The following MED13L variants were observed in gnomAD, a reference collection of about 807,000 sequenced individuals.
MED13L encodes the protein mediator complex subunit 13L.
In MED13L, 7 loss-of-function variants were observed where a neutral mutation model predicts 220.9. The ratio of observed to expected loss-of-function variants is 0.03; its 90% confidence interval spans 0.02 to 0.06. The LOEUF (loss-of-function observed/expected upper bound fraction) is 0.06. Among genes scored for constraint, MED13L ranks in the 10% least tolerant of loss-of-function variants. The pLI is 1.00. For missense variants in MED13L, 1,965 were observed against 2,760.5 expected (o/e 0.71, Z 6.46); for synonymous variants, 1,011 against 1,015.2 (o/e 1.00, Z 0.08).
chr12:116,030,850 C>A (rs1880696695), intron 4 of MED13L, among the ~76,000 whole-genome samples: 1 of 151,970 alleles, frequency 6.6e-6, no homozygotes, highest in Admixed American at 6.5e-5. Context: ...AAAACAGTAA[C>A]TAAAAAAACC....
At position 116,192,136 on chromosome 12, in the gene MED13L, G is replaced by A. The variant is rs991763338; in HGVS notation, c.310+45332C>T. 3.2e-4 allele frequency among the ~76,000 whole-genome samples: 48 copies of A among 152,134 alleles called. 1 individual carries two copies. The highest frequency in any genetic ancestry group is 4.1e-4 in the Non-Finnish European group (28 of 68,026). ...CAATAAAATAAACTTTCAGGGCAAC[G>A]GAAGGGTGGTGGCTTTTGCCTTTGT... On this transcript the variant is annotated intron_variant, in intron 2 of 30. Coordinates refer to ENST00000281928, the MANE Select transcript of MED13L (RefSeq NM_015335.5).
chr12:116,217,015 C>T (rs1403348007), intron 2 of MED13L, among the ~76,000 whole-genome samples: 1 of 152,198 alleles, frequency 6.6e-6, no homozygotes. Context: ...TTTTTATGTT[C>T]TGCTGAATAC....
chr12:116,235,880 G>C (rs1291977812), intron 2 of MED13L, among the ~76,000 whole-genome samples: 2 of 151,982 alleles, frequency 1.3e-5, no homozygotes, highest in Non-Finnish European at 2.9e-5. Context: ...CACTAACAAA[G>C]AGCAGACCAA....
rs1254898108 is a variant in MED13L, at chr12:116,277,500, A to AGCC, written c.-372_-370dup. On this transcript the variant is annotated 5_prime_UTR_variant, in exon 1 of 31. Coordinates refer to ENST00000281928, the MANE Select transcript of MED13L (RefSeq NM_015335.5). ...GCGCGCGAGGGGAGGCGAGCCCCGGAGCCGCCGCCGCCGCCTCGGAGCCGC... is the reference window on the plus strand; with the variant it reads ...GCGCGCGAGGGGAGGCGAGCCCCGGAGCCGCCGCCGCCGCCGCCTCGGAGCCGC... 5.5e-5 allele frequency among the ~76,000 whole-genome samples: 8 copies of AGCC among 144,830 alleles called. 1 individual carries two copies. The highest frequency in any genetic ancestry group is 4.4e-4 in the South Asian group (2 of 4,574).
At position 116,007,799 on chromosome 12, in the gene MED13L, A is replaced by G. The variant is rs1295666618; in HGVS notation, c.2013-163T>C. The G allele has an allele frequency of 4.1e-5, 27 of 663,240 alleles. No homozygotes were observed. In the Admixed American group the frequency reaches 4.7e-4, roughly 12 times the overall value. The allele number at this position is 663,240 out of a possible 1,614,324, so 41.1% of individuals were successfully genotyped here. On this transcript the variant is annotated intron_variant, in intron 10 of 30. Transcript: ENST00000281928. The stretch of plus-strand genomic sequence containing the variant: ...AAAATTAGCATACTTTGTCAAGAAT[A>G]TATGTTTTTGTCTCTGGGTCCATCA...
chr12:116,070,251 T>C (rs531276927), intron 4 of MED13L, among the ~76,000 whole-genome samples: 2 of 152,328 alleles, frequency 1.3e-5, no homozygotes, highest in South Asian at 2.1e-4. Context: ...TCCATGTTAA[T>C]AGCTATCTGA....
intron 4 of MED13L, among the ~76,000 whole-genome samples, chr12:116,029,755 T>A (rs74349961): frequency 6.6e-6 from 1 of 151,844 alleles, no homozygotes; most frequent in African/African-American, 2.4e-5. Context: ...CAGAAAAAAT[T>A]TGAATAAGAA....
intron 4 of MED13L, among the ~76,000 whole-genome samples, chr12:116,079,922 C>A (rs1871109506): frequency 6.6e-6 from 1 of 152,066 alleles, no homozygotes; most frequent in Admixed American, 6.6e-5. Context: ...ATAAGCTATA[C>A]CAAGCTTGTC....
intron 4 of MED13L, among the ~76,000 whole-genome samples, chr12:116,041,179 G>A (rs1881503657): frequency 6.6e-6 from 1 of 152,152 alleles, no homozygotes; most frequent in Non-Finnish European, 1.5e-5. Flanking sequence ...GAAGGTGACT[G>A]GACCTTGGGG....
At chr12:116,190,205 TTCTC>T (rs772815998) in intron 2 of MED13L, among the ~76,000 whole-genome samples, 6 of 152,160 alleles carry the variant, frequency 3.9e-5, no homozygotes, top group Non-Finnish European at 7.4e-5. Context: ...TAGATGCTCT[TTCTC>T]AAGTTTTACA....
At chr12:116,094,545 G>C (rs1872509494) in intron 4 of MED13L, among the ~76,000 whole-genome samples, 1 of 152,186 alleles carries the variant, frequency 6.6e-6, no homozygotes, top group South Asian at 2.1e-4. Flanking sequence ...GATAATGATA[G>C]TTATTTTTTA....
chr12:116,100,815 G>A (rs1593044143), intron 3 of MED13L, among the ~76,000 whole-genome samples: 1 of 152,170 alleles, frequency 6.6e-6, no homozygotes, highest in African/African-American at 2.4e-5. Context: ...TCAGGGAGCT[G>A]AAGTGGACAG....
intron 2 of MED13L, among the ~76,000 whole-genome samples, chr12:116,165,340 T>C (rs1023298325): frequency 6.7e-6 from 1 of 150,364 alleles, no homozygotes; most frequent in South Asian, 2.1e-4. Flanking sequence ...TTTTTGTTTG[T>C]TTATTTTTGA....
chr12:116,274,262 T>C (rs547330816), intron 1 of MED13L, among the ~76,000 whole-genome samples: 88 of 152,112 alleles, frequency 5.8e-4, no homozygotes, highest in Non-Finnish European at 9.7e-4. Flanking sequence ...GTCTGATTGA[T>C]TGCACAATCA....
chr12:116,118,145 A>G (rs1318808915), intron 2 of MED13L, among the ~76,000 whole-genome samples: 2 of 152,186 alleles, frequency 1.3e-5, no homozygotes, highest in African/African-American at 2.4e-5. Context: ...AATTATTTTG[A>G]AAAATAATTA....
chr12:116,276,877 G>A (rs538431217), intron 1 of MED13L, 183 bp downstream of exon 1: 83 of 971,460 alleles, frequency 8.5e-5, no homozygotes, highest in Non-Finnish European at 1.2e-4. Flanking sequence ...ATAAACACTG[G>A]ATGGGATCCA....
intron 1 of MED13L, among the ~76,000 whole-genome samples, chr12:116,265,901 T>C (rs1414072528): frequency 6.6e-6 from 1 of 152,200 alleles, no homozygotes; most frequent in Non-Finnish European, 1.5e-5. Context: ...CATCCATCCA[T>C]TCCTTCAACA....
rs898633108 is a variant in MED13L at position 115,983,339 on chromosome 12, G to C, written c.4733C>G (p.Ser1578Cys). ...CGGTGGCACAGAGGAACCAGATGCA[G>C]AACTACTTGCTGCAGGATTTGTAGA... ...SSSTNPAASS[S>C]ASGSSVPPVS... The change falls in exon 21 of 31, where the codon TCT becomes TGT. Residue 1578 changes from serine (S) to cysteine (C), a missense_variant. Physicochemically the swap from Ser to Cys is moderately radical, Grantham distance 112 (BLOSUM62 -1). Around this residue, in one of 10 missense-constraint regions of MED13L, gnomAD observed 510 missense variants for 620.4 expected, o/e 0.82. Transcript: ENST00000281928. The C allele has an allele frequency of 6.2e-7, 1 of 1,614,222 alleles. No homozygotes were observed. The highest frequency in any genetic ancestry group is 1.7e-5 in the Admixed American group (1 of 60,036).
intron 21 of MED13L, 42 bp downstream of exon 21, chr12:115,983,060 AAGAAGAGAGAAAGGG>A: frequency 6.4e-7 from 1 of 1,560,760 alleles, no homozygotes; most frequent in East Asian, 2.2e-5. Flanking sequence ...GGTGCAGAAG[AAGAAGAGAGAAAGGG>A]TCTGAGCTGA....
Sources: allele counts gnomAD v4.1 joint callset (sites outside exome capture counted in the v4.1 genomes callset), GRCh38; gene constraint gnomAD v4.1.1; regional missense constraint gnomAD v4.1.1; transcripts MANE v1.5; gene names NCBI Gene and HGNC (gene_info 2026-07-23, HGNC 2026-07-21).